The following TUBA1C variants were observed in gnomAD, a reference collection of about 807,000 sequenced individuals.
The protein encoded by TUBA1C is tubulin alpha 1c.
A neutral mutation model predicts 34.9 loss-of-function variants in TUBA1C; 16 were observed. The ratio of observed to expected loss-of-function variants is 0.46; its 90% confidence interval spans 0.31 to 0.70. The LOEUF is 0.70. TUBA1C is among the 30% of genes least tolerant of loss of function. The pLI is 0.05. For synonymous variants in TUBA1C, 177 were observed against 215.9 expected, an observed-to-expected ratio of 0.82 and a Z score of 1.58; for missense variants, 329 against 587.3, an observed-to-expected ratio of 0.56 and a Z score of 4.55.
intron 1 of TUBA1C, among the ~76,000 whole-genome samples, chr12:49,268,119 C>T (rs982068064): frequency 2.0e-5 from 3 of 147,584 alleles, no homozygotes; most frequent in Admixed American, 2.0e-4. Context: ...CAGACACAGA[C>T]ACAGAGTCTT....
At chr12:49,263,591 G>A (rs1479562523), upstream of TUBA1C, among the ~76,000 whole-genome samples, 1 of 152,084 alleles carries the variant, frequency 6.6e-6, no homozygotes, top group Non-Finnish European at 1.5e-5. Context: ...GCCTCCCAAA[G>A]TGCTGGACTT....
intron 3 of TUBA1C, 48 bp from the exon 4 acceptor site, chr12:49,272,205 C>A: frequency 6.4e-7 from 1 of 1,554,080 alleles, no homozygotes. Flanking sequence ...AATGTGAACA[C>A]TAAATGAAAC....
At chr12:49,267,621 CAG>C (rs1942932497) in intron 1 of TUBA1C, among the ~76,000 whole-genome samples, 1 of 152,158 alleles carries the variant, frequency 6.6e-6, no homozygotes, top group Non-Finnish European at 1.5e-5. Context: ...GCCTGGGCGA[CAG>C]AGCGAGACTT....
rs1943006027 is a variant in TUBA1C, at chr12:49,272,519, T to C, written c.642T>C (p.Arg214=). Residue 214 remains arginine (R), a synonymous_variant, in exon 4 of 4, where the codon CGT becomes CGC. Transcript: ENST00000301072. ...ATGAGGCCATCTATGACATCTGTCG[T>C]AGAAACCTCGATATCGAGCGCCCAA... ...VDNEAIYDIC[R]RNLDIERPTY... The C allele has an allele frequency of 6.2e-7, 1 of 1,609,318 alleles. No homozygotes were observed.
At chr12:49,271,092 C>T (rs1206176441) in intron 3 of TUBA1C, among the ~76,000 whole-genome samples, 2 of 152,158 alleles carry the variant, frequency 1.3e-5, no homozygotes, top group Non-Finnish European at 2.9e-5. Flanking sequence ...GGTTCTGGAA[C>T]GTGAGGTTTA....
chr12:49,241,246 G>A (rs150806950), intron 1 of TUBA1C, among the ~76,000 whole-genome samples: 96 of 152,176 alleles, frequency 6.3e-4, no homozygotes, highest in African/African-American at 2.3e-3. Flanking sequence ...ATTTATCTGT[G>A]TCTTCCATAC....
rs760352569 is a variant in TUBA1C, at chr12:49,265,146, C to A, written c.-36C>A. 1.9e-6 allele frequency: 3 copies of A among 1,598,358 alleles called. No homozygotes were observed. The South Asian group carries it at 3.4e-5, about 18-fold the overall frequency. On this transcript the variant is annotated 5_prime_UTR_variant, in exon 1 of 4. Coordinates refer to ENST00000301072, the MANE Select transcript of TUBA1C (RefSeq NM_032704.5). ...GAGATCCTTGTTGCCGTCCCTTCGC[C>A]TCCTTCACCGCCGCAGACCCCTTCA...
At chr12:49,258,732 GTAAA>G (rs760707927) in intron 1 of TUBA1C, among the ~76,000 whole-genome samples, 23 of 150,168 alleles carry the variant, frequency 1.5e-4, no homozygotes, top group African/African-American at 5.4e-4. Context: ...CCGGCTATAA[GTAAA>G]TAAATAAATA....
intron 1 of TUBA1C, among the ~76,000 whole-genome samples, chr12:49,245,355 C>G (rs573544446): frequency 2.0e-5 from 3 of 152,314 alleles, no homozygotes; most frequent in African/African-American, 7.2e-5. Context: ...AATCCCAGCA[C>G]TTTGGGAGGC....
Position 49,272,689 on chromosome 12 carries a change from C to T in TUBA1C, c.812C>T (p.Thr271Ile). Residue 271 changes from threonine (T) to isoleucine (I), a missense_variant, in exon 4 of 4, where the codon ACA becomes ATA. Thr to Ile is a moderately conservative substitution (Grantham distance 89). Transcript: ENST00000301072. Reference sequence around the variant, plus strand: ...CCCCGCATCCACTTCCCTCTGGCCACATATGCCCCTGTCATCTCTGCTGAG... The same window carrying T: ...CCCCGCATCCACTTCCCTCTGGCCATATATGCCCCTGTCATCTCTGCTGAG... ...PYPRIHFPLA[T>I]YAPVISAEKA... is the part of the protein sequence containing the mutation. 5.6e-6 allele frequency: 9 copies of T among 1,612,402 alleles called. No homozygotes were observed. The highest frequency in any genetic ancestry group is 6.8e-6 in the Non-Finnish European group (8 of 1,179,860).
At chr12:49,258,429 GT>G (rs1942808236) in intron 1 of TUBA1C, among the ~76,000 whole-genome samples, 2 of 151,730 alleles carry the variant, frequency 1.3e-5, no homozygotes, top group South Asian at 4.2e-4. Flanking sequence ...TTTATGTTTT[GT>G]TTTTTGTTTT....
intron 1 of TUBA1C, among the ~76,000 whole-genome samples, chr12:49,232,200 C>T (rs1942505100): frequency 6.6e-6 from 1 of 152,160 alleles, no homozygotes; most frequent in Non-Finnish European, 1.5e-5. Context: ...TCTGAAAGGG[C>T]CTGAGGATGC....
At chr12:49,236,699 T>C (rs148153041) in intron 1 of TUBA1C, among the ~76,000 whole-genome samples, 1 of 152,302 alleles carries the variant, frequency 6.6e-6, no homozygotes, top group African/African-American at 2.4e-5. Flanking sequence ...TACACAAACC[T>C]AGGTGGTAGT....
Position 49,274,058 on chromosome 12 carries a change from C to G in TUBA1C, c.*831C>G, listed in dbSNP as rs1227528566. On this transcript the variant is annotated 3_prime_UTR_variant, in exon 4 of 4. Coordinates refer to ENST00000301072, the MANE Select transcript of TUBA1C (RefSeq NM_032704.5). The stretch of plus-strand genomic sequence containing the variant: ...GCCTGGGTGACGGAGACCCCTGACT[C>G]TCAAATTTAAAAACAAAATGCAGGT... 2.6e-5 allele frequency: 4 copies of G among 152,240 alleles called. No individual in the cohort carries two copies. The highest frequency in any genetic ancestry group is 2.1e-4 in the South Asian group (1 of 4,820). The allele number at this position is 152,240 out of a possible 1,614,324, so 9.4% of individuals were successfully genotyped here. A position where few individuals can be genotyped will look rare whatever the true frequency, so the allele number is the denominator to read the frequency against.
chr12:49,269,369 C>G (rs1942957457), intron 1 of TUBA1C, 96 bp from the exon 2 acceptor site: 6 of 1,565,892 alleles, frequency 3.8e-6, no homozygotes, highest in African/African-American at 1.3e-5. Context: ...AGCCAGTTAT[C>G]TGTCTTGAAG....
chr12:49,254,167 C>T (rs1160137046), intron 1 of TUBA1C, among the ~76,000 whole-genome samples: 3 of 152,064 alleles, frequency 2.0e-5, no homozygotes, highest in African/African-American at 4.8e-5. Flanking sequence ...CCAAATTAGC[C>T]GGGCGTGGTG....
intron 3 of TUBA1C, 137 bp from the exon 4 acceptor site, chr12:49,272,116 C>T: frequency 1.4e-6 from 2 of 1,445,600 alleles, no homozygotes; most frequent in South Asian, 1.5e-5. Flanking sequence ...GCGTGAGCCA[C>T]TGCGCCTGGC....
chr12:49,243,651 G>T (rs1011611152), intron 1 of TUBA1C, among the ~76,000 whole-genome samples: 2 of 151,630 alleles, frequency 1.3e-5, no homozygotes, highest in African/African-American at 4.8e-5. Flanking sequence ...TTGCTCTATC[G>T]CCCAGGCTGG....
In TUBA1C at chr12:49,273,026, T is replaced by C. The variant is rs779858377; in HGVS notation, c.1149T>C (p.Ala383=). ...TGTGCATGCTGAGCAATACCACAGCTGTTGCCGAGGCCTGGGCTCGCCTGG... is the reference window on the plus strand; with the variant it reads ...TGTGCATGCTGAGCAATACCACAGCCGTTGCCGAGGCCTGGGCTCGCCTGG... ...RAVCMLSNTT[A]VAEAWARLDH... Residue 383 remains alanine, a synonymous_variant, in exon 4 of 4, where the codon GCT becomes GCC. Coordinates refer to ENST00000301072, the MANE Select transcript of TUBA1C (RefSeq NM_032704.5). 55 of 1,614,194 alleles carry C rather than the reference T, an allele frequency of 3.4e-5. No individual in the cohort carries two copies. Among genetic ancestry groups the C allele is most frequent in the Admixed American group, 5.0e-5 (3 of 60,024 alleles).
Sources: allele counts gnomAD v4.1 joint callset (sites outside exome capture counted in the v4.1 genomes callset), GRCh38; gene constraint gnomAD v4.1.1; transcripts MANE v1.5; gene names NCBI Gene and HGNC (gene_info 2026-07-23, HGNC 2026-07-21).